The following ATG16L2 variants were observed in gnomAD, a reference collection of about 807,000 sequenced individuals.
ATG16L2 encodes the protein protein Atg16l2.
ATG16L2 carries 77 observed loss-of-function variants against 84.7 expected under a neutral mutation model. The ratio of observed to expected loss-of-function variants is 0.91; its 90% CI spans 0.76 to 1.10. ATG16L2 has a LOEUF of 1.10. Ranked by LOEUF, ATG16L2 falls within the 50% of genes least tolerant of loss-of-function variation. ATG16L2 has a pLI of 0.00. For missense variants in ATG16L2, 782 were observed against 817.6 expected, an observed-to-expected ratio of 0.96 and a Z score of 0.53; for synonymous variants, 361 against 342.8, an observed-to-expected ratio of 1.05 and a Z score of -0.59.
chr11:72,826,237 CCCCTCG>C lies in ATG16L2; in HGVS notation c.1168_1173del (p.Pro390_Ser391del). On this transcript the variant is annotated inframe_deletion and splice_region_variant, in exon 11 of 18. Transcript: ENST00000321297. ...GCAGCATCACCAGTGTGGACTTTGA[CCCCTCG>C]GTGAGGAACTCTGCCCCAGTGGCAT... 6.2e-7 allele frequency: 1 copy of C among 1,613,870 alleles called. No homozygotes were observed. Among genetic ancestry groups the C allele is most frequent in the East Asian group, 2.2e-5 (1 of 44,874 alleles).
At chr11:72,843,391 A>G in exon 6 of ATG16L2, 1 of 1,608,224 alleles carries the variant, frequency 6.2e-7, no homozygotes, top group Non-Finnish European at 8.5e-7. Flanking sequence ...CACAACAAAG[A>G]CCAAAACAAA....
intron 1 of ATG16L2, among the ~76,000 whole-genome samples, chr11:72,815,497 C>G (rs1004969238): frequency 3.3e-5 from 5 of 151,100 alleles, no homozygotes; most frequent in African/African-American, 4.9e-5. Context: ...GGGGTCACCG[C>G]CCCCCCAACC....
intron 3 of ATG16L2, chr11:72,820,409 TAC>T (rs1311654943): frequency 6.6e-6 from 1 of 152,308 alleles, no homozygotes; most frequent in East Asian, 1.9e-4. Flanking sequence ...CCCTGGCAAG[TAC>T]TAATCTGTTT....
At chr11:72,821,246 G>C (rs143798722) in intron 3 of ATG16L2, 14 of 1,007,322 alleles carry the variant, frequency 1.4e-5, no homozygotes, top group African/African-American at 1.4e-4. Flanking sequence ...TGGAAGGAGC[G>C]TGTAGCCTGC....
Position 72,822,776 on chromosome 11 carries a change from C to G in ATG16L2, c.711-72C>G. ...CATCACTGGGAATTCCTGTCTTCAG[C>G]GTATCCTGTGCTGGGGTCGGGAGGG... is the stretch of plus-strand genomic sequence containing the variant. On this transcript the variant is annotated intron_variant, in intron 6 of 17. Transcript: ENST00000321297. This position sits in a 1 kb window ranked among gnomAD's most constrained non-coding sequence, Gnocchi z 4.2. 1 of 1,222,424 alleles carries G rather than the reference C, an allele frequency of 8.2e-7. No individual in the cohort carries two copies. Among genetic ancestry groups the G allele is most frequent in the Non-Finnish European group, 1.1e-6 (1 of 870,678 alleles). 75.7% of individuals were successfully genotyped at this position (1,222,424 alleles called of 1,614,324 possible). A position where few individuals can be genotyped will look rare whatever the true frequency, so the allele number is the denominator to read the frequency against.
In ATG16L2 at chr11:72,822,297, T is replaced by G. The variant is rs1471183450; in HGVS notation, c.644+2T>G. The G allele has an allele frequency of 1.3e-6, 2 of 1,512,424 alleles. No homozygotes were observed. The highest frequency in any genetic ancestry group is 1.8e-6 in the Non-Finnish European group (2 of 1,138,628). 93.7% of individuals were successfully genotyped at this position (1,512,424 alleles called of 1,614,324 possible). A position where few individuals can be genotyped will look rare whatever the true frequency, so the allele number is the denominator to read the frequency against. ...CCTGCGCAACGAGCGCCGGGAGCGG[T>G]GAGGGAGCAGGCCCCGCCCCTCCTG... On this transcript the variant is annotated splice_donor_variant, in intron 5 of 17. Coordinates refer to ENST00000321297, the MANE Select transcript of ATG16L2 (RefSeq NM_033388.2). LOFTEE classifies it high-confidence loss of function. This position sits in a 1 kb window ranked among gnomAD's most constrained non-coding sequence, Gnocchi z 4.2.
rs770445836 is a variant in ATG16L2, at chr11:72,838,908, A to C, written c.*22-3709A>C. 6.4e-6 allele frequency: 10 copies of C among 1,569,330 alleles called. No individual in the cohort carries two copies. The African/African-American group carries it at 1.3e-4, about 21-fold the overall frequency. On this transcript the variant is annotated intron_variant, in intron 5 of 5. Transcript: ENST00000534905. ...GAAACAATTACGTAGTTTGTCAGTC[A>C]GTTCCTGACTCAGTATCTGAAGCAT...
chr11:72,832,226 G>C (rs1860620910), downstream of ATG16L2, among the ~76,000 whole-genome samples: 1 of 152,222 alleles, frequency 6.6e-6, no homozygotes, highest in Admixed American at 6.5e-5. Context: ...TGGTCTGACT[G>C]ATCTCTGGGA....
chr11:72,831,487 G>A (rs6592491), downstream of ATG16L2, among the ~76,000 whole-genome samples: 151,879 of 152,360 alleles, frequency 1, 75,700 homozygotes, highest in Middle Eastern at 1. Context: ...CCTGGGCAAC[G>A]AGAGTGAAAC....
chr11:72,841,361 A>ATC, intron 5 of ATG16L2: 1 of 1,160,878 alleles, frequency 8.6e-7, no homozygotes, highest in Non-Finnish European at 1.2e-6. Flanking sequence ...AAAAAAAAAA[A>ATC]AAAGCAAATG....
At chr11:72,823,039 T>C in intron 7 of ATG16L2, 78 bp downstream of exon 7, 1 of 1,030,344 alleles carries the variant, frequency 9.7e-7, no homozygotes, top group Non-Finnish European at 1.4e-6. Flanking sequence ...CTCTTGGACC[T>C]TGGAGCCAGC....
rs370540910 is a variant in ATG16L2 at position 72,822,567 on chromosome 11, C to G, written c.710+24C>G. On this transcript the variant is annotated intron_variant, in intron 6 of 17. Transcript: ENST00000321297. The surrounding 1 kb of genome is among the most constrained non-coding windows in gnomAD (Gnocchi z 4.2). ...GAGTAAGAGTGGGGATGGGCCGGTCCGACCCTTGCGTTCTGCCTCCCGCCC... is the reference window on the plus strand; with the variant it reads ...GAGTAAGAGTGGGGATGGGCCGGTCGGACCCTTGCGTTCTGCCTCCCGCCC... 2.5e-6 allele frequency: 4 copies of G among 1,607,976 alleles called. No individual in the cohort carries two copies. Among genetic ancestry groups the G allele is most frequent in the Non-Finnish European group, 3.4e-6 (4 of 1,177,546 alleles).
At chr11:72,841,515 G>A in intron 5 of ATG16L2, 1 of 1,611,266 alleles carries the variant, frequency 6.2e-7, no homozygotes. Flanking sequence ...TGGGGTAGGG[G>A]CTGCTGGGAG....
chr11:72,836,608 G>C (rs1357382060), intron 5 of ATG16L2: 1 of 152,390 alleles, frequency 6.6e-6, no homozygotes, highest in East Asian at 1.9e-4. Context: ...CTGTCTCATA[G>C]ATGGATTAAT....
chr11:72,827,919 C>T (rs1860455588), intron 14 of ATG16L2, among the ~76,000 whole-genome samples: 2 of 152,080 alleles, frequency 1.3e-5, no homozygotes, highest in African/African-American at 2.4e-5. Context: ...GGCGACAGAG[C>T]GAGATGTCTC....
chr11:72,819,500 A>G (rs1468103436), intron 3 of ATG16L2, among the ~76,000 whole-genome samples: 1 of 152,190 alleles, frequency 6.6e-6, no homozygotes, highest in African/African-American at 2.4e-5. Flanking sequence ...GTAAAAAGTA[A>G]AAGCCCGTCT....
intron 5 of ATG16L2, among the ~76,000 whole-genome samples, chr11:72,842,343 C>T (rs1408923739): frequency 6.6e-6 from 1 of 152,224 alleles, no homozygotes; most frequent in South Asian, 2.1e-4. Flanking sequence ...TCCACCAAAA[C>T]GATCTTTGGT....
chr11:72,827,080 A>G, intron 13 of ATG16L2, 108 bp from the exon 14 acceptor site: 1 of 940,632 alleles, frequency 1.1e-6, no homozygotes, highest in East Asian at 2.5e-5. Context: ...CCTGGGTTCT[A>G]GTCTTGGGAG....
intron 13 of ATG16L2, 93 bp from the exon 14 acceptor site, chr11:72,827,095 C>A: frequency 9.7e-7 from 1 of 1,035,734 alleles, no homozygotes; most frequent in Non-Finnish European, 1.5e-6. Flanking sequence ...TGGGAGGACA[C>A]TGGGTTCTGG....
Sources: allele counts gnomAD v4.1 joint callset (sites outside exome capture counted in the v4.1 genomes callset), GRCh38; gene constraint gnomAD v4.1.1; non-coding constraint Gnocchi (gnomAD v3.1); transcripts MANE v1.5; gene names NCBI Gene and HGNC (gene_info 2026-07-23, HGNC 2026-07-21).